The following ACYP2 variants were observed in gnomAD, a reference collection of about 807,000 sequenced individuals.
ACYP2 encodes acylphosphatase 2.
ACYP2 carries 12 observed loss-of-function variants against 11.2 expected under a neutral mutation model. The ratio of observed to expected loss-of-function variants is 1.08; its 90% CI spans 0.69 to 1.74. ACYP2 has a LOEUF of 1.74. Ranked by LOEUF, ACYP2 falls within the 40% of genes most tolerant of loss-of-function variation. The probability of loss-of-function intolerance (pLI) is 0.00; values close to 1 mark genes in which losing one functional copy is unlikely to be tolerated. For synonymous variants in ACYP2, 43 were observed against 32.2 expected, an observed-to-expected ratio of 1.33 and a Z score of -1.13; for missense variants, 134 against 101.9, an observed-to-expected ratio of 1.31 and a Z score of -1.35.
intron 3 of ACYP2, among the ~76,000 whole-genome samples, chr2:54,053,029 G>A (rs570475799): frequency 1.8e-4 from 28 of 152,328 alleles, no homozygotes; most frequent in African/African-American, 6.7e-4. Flanking sequence ...TCAGTAGAGG[G>A]TGCTGGAGAG....
intron 6 of ACYP2, among the ~76,000 whole-genome samples, chr2:54,187,835 A>C (rs1684073338): frequency 6.6e-6 from 1 of 152,186 alleles, no homozygotes; most frequent in African/African-American, 2.4e-5. Context: ...CCCTAGTGCC[A>C]GTGTTGGGAG....
chr2:53,976,976 T>C (rs192959135), intron 2 of ACYP2, among the ~76,000 whole-genome samples: 12 of 152,346 alleles, frequency 7.9e-5, no homozygotes, highest in Non-Finnish European at 1.0e-4. Flanking sequence ...ACTATTTTTT[T>C]GTAATTTCTT....
At chr2:53,982,642 G>A (rs1430580664) in intron 2 of ACYP2, among the ~76,000 whole-genome samples, 4 of 152,158 alleles carry the variant, frequency 2.6e-5, no homozygotes, top group Non-Finnish European at 2.9e-5. Flanking sequence ...TTTGAAAGGT[G>A]CGACTTATAT....
At chr2:54,120,978 T>A (rs377381379) in intron 4 of ACYP2, among the ~76,000 whole-genome samples, 27 of 152,252 alleles carry the variant, frequency 1.8e-4, no homozygotes, top group African/African-American at 6.0e-4. Context: ...ACTCATTGGG[T>A]CCTGCTGCCT....
At chr2:54,208,272 GTC>G (rs1319852878) in intron 6 of ACYP2, among the ~76,000 whole-genome samples, 14 of 150,314 alleles carry the variant, frequency 9.3e-5, no homozygotes, top group Middle Eastern at 7.0e-3. Flanking sequence ...TCTTCCCTCT[GTC>G]TCTCTGATTT....
intron 2 of ACYP2, among the ~76,000 whole-genome samples, chr2:54,050,571 T>C (rs552798329): frequency 7.6e-6 from 1 of 131,212 alleles, no homozygotes; most frequent in Admixed American, 7.7e-5. Flanking sequence ...AAAAAGAAAA[T>C]AACTAAAGAA....
At chr2:54,192,882 G>A (rs1438162466) in intron 6 of ACYP2, among the ~76,000 whole-genome samples, 1 of 152,090 alleles carries the variant, frequency 6.6e-6, no homozygotes, top group Admixed American at 6.6e-5. Context: ...CAGATCTCCT[G>A]AGAACTCACT....
chr2:54,093,513 G>C (rs1216905538), intron 4 of ACYP2, among the ~76,000 whole-genome samples: 1 of 152,244 alleles, frequency 6.6e-6, no homozygotes, highest in African/African-American at 2.4e-5. Context: ...GTGAGGCAGA[G>C]AGAAGTAATA....
At chr2:54,113,743 C>A (rs569124308) in intron 4 of ACYP2, among the ~76,000 whole-genome samples, 92 of 152,096 alleles carry the variant, frequency 6.0e-4, no homozygotes, top group African/African-American at 2.1e-3. Context: ...ATAGAGTAGA[C>A]CCAAGAGAAG....
At chr2:54,246,189 GT>G (rs2103996318) in intron 6 of ACYP2, among the ~76,000 whole-genome samples, 1 of 152,150 alleles carries the variant, frequency 6.6e-6, no homozygotes, top group African/African-American at 2.4e-5. Flanking sequence ...TAATTTCTGG[GT>G]TCTCTATTCT....
intron 4 of ACYP2, among the ~76,000 whole-genome samples, chr2:54,059,368 G>A (rs959557212): frequency 2.6e-5 from 4 of 151,942 alleles, no homozygotes; most frequent in Non-Finnish European, 4.4e-5. Flanking sequence ...ACAGGCGCCT[G>A]CAACCATGCC....
chr2:54,054,745 A>G (rs1676031750), intron 3 of ACYP2, among the ~76,000 whole-genome samples: 1 of 152,260 alleles, frequency 6.6e-6, no homozygotes, highest in Non-Finnish European at 1.5e-5. Context: ...ACAATCATAT[A>G]TCTAAAGAAG....
At chr2:54,230,514 G>T (rs893726271) in intron 6 of ACYP2, among the ~76,000 whole-genome samples, 1 of 151,886 alleles carries the variant, frequency 6.6e-6, no homozygotes, top group Non-Finnish European at 1.5e-5. Context: ...CCGGCTATGC[G>T]CCTGGCCACA....
At chr2:54,175,013 G>C (rs1683380930) in intron 6 of ACYP2, among the ~76,000 whole-genome samples, 1 of 152,176 alleles carries the variant, frequency 6.6e-6, no homozygotes, top group East Asian at 1.9e-4. Flanking sequence ...GTCTCTGCCA[G>C]GCTTTGGTAT....
intron 6 of ACYP2, among the ~76,000 whole-genome samples, chr2:54,193,340 T>C (rs969991020): frequency 6.6e-6 from 1 of 152,184 alleles, no homozygotes; most frequent in Non-Finnish European, 1.5e-5. Flanking sequence ...AACAAGTCTA[T>C]AAAATGGAAA....
At chr2:54,186,379 T>A (rs1026285830) in intron 6 of ACYP2, among the ~76,000 whole-genome samples, 2 of 152,246 alleles carry the variant, frequency 1.3e-5, no homozygotes, top group Admixed American at 6.5e-5. Context: ...GCAAGACTAA[T>A]TAACAGTATG....
At chr2:54,197,348 G>A (rs1684533709) in intron 6 of ACYP2, among the ~76,000 whole-genome samples, 1 of 152,180 alleles carries the variant, frequency 6.6e-6, no homozygotes, top group Admixed American at 6.5e-5. Flanking sequence ...GGTTGCGGGG[G>A]AGGAAGCTGG....
intron 6 of ACYP2, among the ~76,000 whole-genome samples, chr2:54,216,040 C>T (rs1393778384): frequency 6.6e-6 from 1 of 152,126 alleles, no homozygotes; most frequent in African/African-American, 2.4e-5. Flanking sequence ...TGTTTTAACA[C>T]TAAAGACTTT....
At chr2:54,297,601 G>A (rs1199903998) in intron 6 of ACYP2, among the ~76,000 whole-genome samples, 1 of 152,030 alleles carries the variant, frequency 6.6e-6, no homozygotes, top group Non-Finnish European at 1.5e-5. Context: ...AAAAATACAT[G>A]GAGTGGTTTA....
Sources: allele counts gnomAD v4.1 joint callset (sites outside exome capture counted in the v4.1 genomes callset), GRCh38; gene constraint gnomAD v4.1.1; transcripts MANE v1.5; gene names NCBI Gene and HGNC (gene_info 2026-07-23, HGNC 2026-07-21).